Variants in THAP3 observed in about 807,000 individuals in gnomAD.
THAP3 encodes THAP domain-containing protein 3.
In THAP3, 12 loss-of-function variants were observed where a neutral mutation model predicts 17.7. The ratio of observed to expected loss-of-function variants is 0.68; its 90% CI spans 0.43 to 1.10. The LOEUF (loss-of-function observed/expected upper bound fraction) is 1.10. THAP3 is among the 50% of genes least tolerant of loss of function. THAP3 has a pLI of 0.00. For synonymous variants in THAP3, 133 were observed against 126.9 expected (o/e 1.05, Z -0.32); for missense variants, 289 against 318.0 (o/e 0.91, Z 0.69).
rs146637042 is a variant in THAP3, at chr1:6,632,405, G to A, written c.348G>A (p.Ala116=). 7.2e-5 allele frequency: 116 copies of A among 1,613,456 alleles called. No homozygotes were observed. In the Middle Eastern group the frequency reaches 8.4e-4, roughly 12 times the overall value. ...GCCGTTCCCAGGTCCTCCCTGAGGCGGGGGCCGGAGAGGACAGTCCTGGGA... is the reference window on the plus strand; with the variant it reads ...GCCGTTCCCAGGTCCTCCCTGAGGCAGGGGCCGGAGAGGACAGTCCTGGGA... ...SSQKEKVLPE[A]GAGEDSPGRN... The change falls in exon 5 of 6, where the codon GCG becomes GCA. Residue 116 remains alanine (A), a synonymous_variant. Transcript: ENST00000054650.
chr1:6,627,500 G>A (rs968962769), intron 2 of THAP3, among the ~76,000 whole-genome samples: 28 of 152,194 alleles, frequency 1.8e-4, no homozygotes, highest in African/African-American at 6.5e-4. Context: ...AAGTAGCTGG[G>A]ATCACAGGAG....
At chr1:6,634,875 G>C (rs1641729992), downstream of THAP3, 1 of 1,211,420 alleles carries the variant, frequency 8.3e-7, no homozygotes, top group Non-Finnish European at 1.1e-6. Context: ...GTCCTCTTGA[G>C]CTGCCCTTGC....
chr1:6,634,948 C>T (rs1183956982), downstream of THAP3: 8 of 1,059,906 alleles, frequency 7.5e-6, no homozygotes, highest in African/African-American at 5.0e-5. Context: ...AGCTCAAGCC[C>T]GCTGGTGGCA....
chr1:6,635,066 G>C, downstream of THAP3: 1 of 234,008 alleles, frequency 4.3e-6, no homozygotes, highest in South Asian at 7.1e-5. Flanking sequence ...GGAATGACTT[G>C]AGCAGCTCTG....
chr1:6,632,212 T>TC lies in THAP3; in HGVS notation c.334-178dup, dbSNP rs1553125370. Among the ~76,000 whole-genome samples the TC allele has an allele frequency of 1.6e-4, 13 of 79,756 alleles. 1 individual carries two copies. In the South Asian group the frequency reaches 4.4e-3, roughly 27 times the overall value. 52.3% of individuals were successfully genotyped at this position (79,756 alleles called of 152,430 possible). On this transcript the variant is annotated intron_variant, in intron 4 of 5. Transcript: ENST00000054650. ...GCCTAAGTGACAGAGCGAGACTGTC[T>TC]CAAAAAAAAAAAAAAGTTCAGTTCC...
chr1:6,633,987 G>A, downstream of THAP3: 1 of 1,600,528 alleles, frequency 6.2e-7, no homozygotes. Flanking sequence ...GTTCTAGCCT[G>A]ATTTCCTAAC....
intron 4 of THAP3, among the ~76,000 whole-genome samples, chr1:6,630,606 G>A (rs1317956869): frequency 6.6e-5 from 10 of 151,862 alleles, no homozygotes; most frequent in African/African-American, 2.4e-4. Context: ...ACTGAGTCTC[G>A]CTCTGTCACC....
At chr1:6,633,941 T>C (rs768644714), downstream of THAP3, 4 of 1,329,550 alleles carry the variant, frequency 3.0e-6, no homozygotes, top group Non-Finnish European at 3.2e-6. Context: ...CTTCCTATTT[T>C]GTCTAATTTA....
At chr1:6,635,462 T>G (rs2148725008), downstream of THAP3, 1 of 554,112 alleles carries the variant, frequency 1.8e-6, no homozygotes, top group Non-Finnish European at 3.2e-6. Context: ...CAGGCTGCAG[T>G]CTGGTTCCCA....
chr1:6,632,651 T>C (rs754411305), intron 5 of THAP3, 145 bp from the exon 6 acceptor site: 2 of 1,426,420 alleles, frequency 1.4e-6, no homozygotes, highest in Admixed American at 1.9e-5. Flanking sequence ...TCCACCATGG[T>C]GTGGGCACAT....
downstream of THAP3, chr1:6,635,595 C>T: frequency 6.9e-7 from 1 of 1,439,452 alleles, no homozygotes; most frequent in Non-Finnish European, 9.7e-7. Flanking sequence ...CATCTGATGT[C>T]TGGGTTTTTT....
downstream of THAP3, chr1:6,634,462 C>T: frequency 7.6e-7 from 1 of 1,307,524 alleles, no homozygotes; most frequent in South Asian, 1.3e-5. Context: ...GGAGGCCTGA[C>T]TTCAGCAACA....
At chr1:6,630,915 C>T (rs1033665332) in intron 4 of THAP3, among the ~76,000 whole-genome samples, 3 of 150,758 alleles carry the variant, frequency 2.0e-5, no homozygotes, top group African/African-American at 7.3e-5. Flanking sequence ...TGCTATTTTA[C>T]TCAGGCTGGT....
At chr1:6,629,070 TG>T (rs1237279004) in intron 3 of THAP3, among the ~76,000 whole-genome samples, 1 of 152,134 alleles carries the variant, frequency 6.6e-6, no homozygotes, top group Non-Finnish European at 1.5e-5. Flanking sequence ...GGTGTGTTGG[TG>T]GGCACCTGTA....
chr1:6,634,240 G>A, downstream of THAP3: 1 of 893,016 alleles, frequency 1.1e-6, no homozygotes, highest in Non-Finnish European at 1.7e-6. Context: ...GCAGAGGATG[G>A]GTGCCCAGAA....
At chr1:6,628,775 G>A in intron 3 of THAP3, 84 bp downstream of exon 3, 1 of 1,425,818 alleles carries the variant, frequency 7.0e-7, no homozygotes, top group Non-Finnish European at 9.5e-7. Flanking sequence ...GTGGCGGCAT[G>A]TGTGGGAAAA....
At chr1:6,628,815 C>G in intron 3 of THAP3, 124 bp downstream of exon 3, 2 of 943,482 alleles carry the variant, frequency 2.1e-6, no homozygotes, top group South Asian at 3.4e-5. Flanking sequence ...GTGACAACAG[C>G]ACTGTCACGC....
intron 2 of THAP3, among the ~76,000 whole-genome samples, chr1:6,626,452 A>G (rs1015255450): frequency 2.6e-5 from 4 of 152,170 alleles, no homozygotes; most frequent in African/African-American, 9.7e-5. Flanking sequence ...TCGTTGCCAC[A>G]TAATATTCCA....
downstream of THAP3, chr1:6,635,548 T>C: frequency 9.5e-7 from 1 of 1,053,718 alleles, no homozygotes; most frequent in South Asian, 1.6e-5. Context: ...TAATTGATAA[T>C]GGTACCACCT....
Sources: gnomAD v4.1 joint callset for allele counts (sites outside exome capture counted in the v4.1 genomes callset) on GRCh38, gnomAD v4.1.1 for gene constraint, MANE v1.5 for transcripts, NCBI Gene and HGNC (gene_info 2026-07-23, HGNC 2026-07-21) for gene names.